Variants in GPC6 observed in about 807,000 individuals in gnomAD.
GPC6 encodes the protein glypican 6, also known as glypican-6.
In GPC6, 14 loss-of-function variants were observed where a neutral mutation model predicts 55.2. The observed-to-expected ratio is 0.25, with a 90% CI of 0.17 to 0.40. The LOEUF (loss-of-function observed/expected upper bound fraction) is 0.40, where lower values mean the gene tolerates loss of function less well. Ranked by LOEUF, GPC6 falls within the 10% of genes least tolerant of loss-of-function variation. The pLI, the probability that GPC6 is intolerant of heterozygous loss-of-function variation, is 1.00. For missense variants in GPC6, 641 were observed against 708.5 expected (o/e 0.90, Z 1.08); for synonymous variants, 278 against 259.6 (o/e 1.07, Z -0.68).
In GPC6 at chr13:94,396,640, G is replaced by A. The variant is rs1030463858; in HGVS notation, c.1290-1826G>A. 1.4e-4 allele frequency among the ~76,000 whole-genome samples: 21 copies of A among 152,228 alleles called. 1 individual carries two copies. Among genetic ancestry groups the A allele is most frequent in the Non-Finnish European group, 2.9e-4 (20 of 68,042 alleles). On this transcript the variant is annotated intron_variant, in intron 7 of 8. Transcript: ENST00000377047. Reference sequence around the variant, plus strand: ...AGGCCTGGGTCTTTAAGGGTATTTGGGACTTAAATGGGAAATTGCACTATG... The same window carrying A: ...AGGCCTGGGTCTTTAAGGGTATTTGAGACTTAAATGGGAAATTGCACTATG...
chr13:93,313,690 A>G (rs1441659210), intron 1 of GPC6, among the ~76,000 whole-genome samples: 1 of 152,008 alleles, frequency 6.6e-6, no homozygotes, highest in Non-Finnish European at 1.5e-5. Flanking sequence ...AGATCTTGAT[A>G]TGTTGCCCAG....
chr13:93,964,893 A>G (rs531022138), intron 3 of GPC6, among the ~76,000 whole-genome samples: 1 of 152,264 alleles, frequency 6.6e-6, no homozygotes, highest in South Asian at 2.1e-4. Context: ...TGGGAATAAA[A>G]AATGTTGTAG....
intron 4 of GPC6, among the ~76,000 whole-genome samples, chr13:94,062,330 C>T (rs916885421): frequency 1.2e-4 from 18 of 152,072 alleles, no homozygotes; most frequent in Non-Finnish European, 2.5e-4. Context: ...TGGCTCACTG[C>T]AACCTCTGCC....
intron 2 of GPC6, among the ~76,000 whole-genome samples, chr13:93,817,183 C>T (rs150919952): frequency 7.8e-4 from 119 of 152,206 alleles, no homozygotes; most frequent in African/African-American, 2.7e-3. Flanking sequence ...AAATGTAAGA[C>T]GTTGATGATA....
In GPC6 at chr13:94,382,397, C is replaced by G; in HGVS notation, c.1153-17C>G. The G allele has an allele frequency of 6.2e-7, 1 of 1,613,940 alleles. No individual in the cohort carries two copies. The highest frequency in any genetic ancestry group is 8.5e-7 in the Non-Finnish European group (1 of 1,179,888). On this transcript the variant is annotated splice_polypyrimidine_tract_variant and intron_variant, in intron 6 of 8. Coordinates refer to ENST00000377047, the MANE Select transcript of GPC6 (RefSeq NM_005708.5). ...CTGAGCAGAATACTCACTTGCTTTCCTTGGTTTCTTGATCAGGTCACAGAC... is the reference window on the plus strand; with the variant it reads ...CTGAGCAGAATACTCACTTGCTTTCGTTGGTTTCTTGATCAGGTCACAGAC...
chr13:93,507,061 C>CAAAAAAAAA (rs56368708), intron 1 of GPC6, among the ~76,000 whole-genome samples: 1 of 52,126 alleles, frequency 1.9e-5, no homozygotes, highest in Non-Finnish European at 3.1e-5. Flanking sequence ...GACTCCGTCT[C>CAAAAAAAAA]AAAAAAAAAA....
At chr13:94,181,467 TTTTA>T (rs938861349) in intron 4 of GPC6, among the ~76,000 whole-genome samples, 65 of 152,302 alleles carry the variant, frequency 4.3e-4, no homozygotes, top group African/African-American at 1.2e-3. Flanking sequence ...TTTGTGGAGA[TTTTA>T]TTTATTTTTC....
intron 1 of GPC6, among the ~76,000 whole-genome samples, chr13:93,336,963 C>A (rs1251121922): frequency 2.0e-5 from 3 of 152,140 alleles, no homozygotes; most frequent in African/African-American, 7.2e-5. Flanking sequence ...TCCTTCAATG[C>A]AAAGATTTTC....
intron 1 of GPC6, among the ~76,000 whole-genome samples, chr13:93,540,730 T>C (rs1043598070): frequency 5.9e-5 from 9 of 152,162 alleles, no homozygotes; most frequent in African/African-American, 2.2e-4. Flanking sequence ...CTATGTAATA[T>C]ATTATCGTTA....
At chr13:94,046,991 C>T (rs1193918990) in intron 4 of GPC6, among the ~76,000 whole-genome samples, 1 of 152,046 alleles carries the variant, frequency 6.6e-6, no homozygotes, top group Non-Finnish European at 1.5e-5. Flanking sequence ...AAGGAAAGAA[C>T]TTTAAATCTA....
intron 4 of GPC6, among the ~76,000 whole-genome samples, chr13:94,103,294 C>A (rs1462371967): frequency 1.3e-5 from 2 of 152,160 alleles, no homozygotes; most frequent in African/African-American, 4.8e-5. Context: ...CATTGATGGG[C>A]ATTTGGGTTG....
At chr13:93,452,433 G>C (rs910611700) in intron 1 of GPC6, among the ~76,000 whole-genome samples, 7 of 152,178 alleles carry the variant, frequency 4.6e-5, no homozygotes, top group African/African-American at 1.4e-4. Flanking sequence ...GGAAACACTT[G>C]AGTCAATTGT....
chr13:94,245,551 G>A (rs543316186), intron 4 of GPC6, among the ~76,000 whole-genome samples: 1 of 152,068 alleles, frequency 6.6e-6, no homozygotes, highest in South Asian at 2.1e-4. Context: ...GCCTGGGCAA[G>A]AGAGTAAGAC....
At chr13:94,338,994 G>C (rs969187475) in intron 6 of GPC6, among the ~76,000 whole-genome samples, 3 of 152,180 alleles carry the variant, frequency 2.0e-5, no homozygotes, top group Non-Finnish European at 2.9e-5. Flanking sequence ...ACCTAGCTGG[G>C]TAAACCCTGA....
intron 3 of GPC6, among the ~76,000 whole-genome samples, chr13:93,935,558 C>T (rs1878394104): frequency 6.6e-6 from 1 of 152,144 alleles, no homozygotes; most frequent in Non-Finnish European, 1.5e-5. Flanking sequence ...CTGTGATGAA[C>T]ATATGAGTGC....
intron 6 of GPC6, among the ~76,000 whole-genome samples, chr13:94,370,808 GAATT>G (rs1879508196): frequency 6.6e-6 from 1 of 152,062 alleles, no homozygotes; most frequent in Non-Finnish European, 1.5e-5. Context: ...AAGCACTACT[GAATT>G]AACACATTCA....
intron 1 of GPC6, among the ~76,000 whole-genome samples, chr13:93,313,063 G>A (rs958922001): frequency 1.3e-5 from 2 of 152,142 alleles, no homozygotes; most frequent in South Asian, 4.1e-4. Context: ...GTCAGCACAT[G>A]TTAACTCTAT....
At chr13:93,594,152 A>T (rs1877618173) in intron 2 of GPC6, among the ~76,000 whole-genome samples, 1 of 147,434 alleles carries the variant, frequency 6.8e-6, no homozygotes. Context: ...ACTTTATTTT[A>T]TTTTTTTTTT....
intron 2 of GPC6, among the ~76,000 whole-genome samples, chr13:93,653,896 A>G (rs994901030): frequency 4.6e-5 from 7 of 152,284 alleles, no homozygotes; most frequent in African/African-American, 1.2e-4. Flanking sequence ...CCATTGTGAG[A>G]CAGTTCTCTA....
Sources: gnomAD v4.1 joint callset for allele counts (sites outside exome capture counted in the v4.1 genomes callset) on GRCh38, gnomAD v4.1.1 for gene constraint, MANE v1.5 for transcripts, NCBI Gene and HGNC (gene_info 2026-07-23, HGNC 2026-07-21) for gene names.